Variants in CSMD3 observed in about 807,000 individuals in gnomAD.
CSMD3 encodes CUB and Sushi multiple domains 3, also known as CUB and sushi domain-containing protein 3.
Under a neutral mutation model 435.2 loss-of-function variants are expected in CSMD3, and 177 were observed. The ratio of observed to expected loss-of-function variants is 0.41; its 90% CI spans 0.36 to 0.46. CSMD3 has a LOEUF of 0.46. Among genes scored for constraint, CSMD3 ranks in the 20% least tolerant of loss-of-function variants. The probability of loss-of-function intolerance (pLI) is 0.34; values close to 1 mark genes in which losing one functional copy is unlikely to be tolerated. For synonymous variants in CSMD3, 1,656 were observed against 1,520.5 expected, an observed-to-expected ratio of 1.09 and a Z score of -2.07; for missense variants, 4,265 against 4,504.6, an observed-to-expected ratio of 0.95 and a Z score of 1.52.
At chr8:112,846,468 G>T (rs1374828308) in intron 11 of CSMD3, among the ~76,000 whole-genome samples, 1 of 151,426 alleles carries the variant, frequency 6.6e-6, no homozygotes, top group Non-Finnish European at 1.5e-5. Flanking sequence ...CAGCAGCAGG[G>T]TTATAGCTCA....
At position 112,466,046 on chromosome 8, in the gene CSMD3, C is replaced by T. The variant is rs1048529216; in HGVS notation, c.5395+6545G>A. Among the ~76,000 whole-genome samples the T allele has an allele frequency of 7.3e-5, 11 of 150,806 alleles. No individual in the cohort carries two copies. In the East Asian group the frequency reaches 7.8e-4, roughly 11 times the overall value. ...CTAAAAAGTAATGACAAATAGTAAA[C>T]GCAAGTTTTGAATAAACACACATAT... On this transcript the variant is annotated intron_variant, in intron 32 of 70. Coordinates refer to ENST00000297405, the MANE Select transcript of CSMD3 (RefSeq NM_198123.2).
chr8:112,856,726 C>T (rs1355351047), intron 11 of CSMD3, among the ~76,000 whole-genome samples: 2 of 151,900 alleles, frequency 1.3e-5, no homozygotes, highest in East Asian at 3.9e-4. Context: ...CTTTTTAGTA[C>T]ATTTAGAACA....
intron 3 of CSMD3, among the ~76,000 whole-genome samples, chr8:113,202,364 C>T (rs550378419): frequency 6.6e-6 from 1 of 152,252 alleles, no homozygotes; most frequent in South Asian, 2.1e-4. Context: ...CTGGCTGCTG[C>T]TGCCAGTGAC....
intron 32 of CSMD3, among the ~76,000 whole-genome samples, chr8:112,451,471 T>A (rs1816262142): frequency 6.6e-6 from 1 of 152,186 alleles, no homozygotes; most frequent in African/African-American, 2.4e-5. Context: ...CTTTCTTTTT[T>A]GAGTCTGATT....
At chr8:113,101,164 C>T (rs538045653) in intron 4 of CSMD3, among the ~76,000 whole-genome samples, 2 of 152,242 alleles carry the variant, frequency 1.3e-5, no homozygotes, top group African/African-American at 4.8e-5. Context: ...GAGGTGTCCC[C>T]ATCAGTTCCA....
chr8:113,050,317 T>C (rs933417879), intron 5 of CSMD3, among the ~76,000 whole-genome samples: 6 of 152,044 alleles, frequency 3.9e-5, no homozygotes, highest in Non-Finnish European at 8.8e-5. Context: ...AATTGATTTA[T>C]TCTGTAAACT....
intron 1 of CSMD3, among the ~76,000 whole-genome samples, chr8:113,356,773 T>C (rs770944183): frequency 1.4e-4 from 22 of 152,248 alleles, no homozygotes; most frequent in Admixed American, 8.5e-4. Context: ...AAAACACATC[T>C]TGTGAGTGAA....
At chr8:112,458,330 A>G (rs1170869778) in intron 32 of CSMD3, among the ~76,000 whole-genome samples, 1 of 151,738 alleles carries the variant, frequency 6.6e-6, no homozygotes. Context: ...ATGTTTCCAA[A>G]TTTTGCTGGA....
chr8:112,673,008 T>C lies in CSMD3; in HGVS notation c.2678-6593A>G, dbSNP rs528533484. ...GTGCTCAGAAGGAAGTTGGGGACCA[T>C]GGGCTAAGCTAGGTTTTGATCACAG... On this transcript the variant is annotated intron_variant, in intron 16 of 70. Transcript: ENST00000297405. Among the ~76,000 whole-genome samples, 5 of 152,178 alleles carry C rather than the reference T, an allele frequency of 3.3e-5. 1 individual carries two copies. In the South Asian group the frequency reaches 8.3e-4, roughly 25 times the overall value.
At chr8:112,460,721 A>T (rs1178713334) in intron 32 of CSMD3, among the ~76,000 whole-genome samples, 1 of 152,218 alleles carries the variant, frequency 6.6e-6, no homozygotes, top group African/African-American at 2.4e-5. Flanking sequence ...AATAAGCAGT[A>T]TAATAGATGA....
intron 1 of CSMD3, among the ~76,000 whole-genome samples, chr8:113,354,919 A>G (rs1395689979): frequency 1.3e-5 from 2 of 152,166 alleles, no homozygotes; most frequent in Non-Finnish European, 2.9e-5. Context: ...GATTACAGGC[A>G]TGAGCCACCA....
rs189531237 is a variant in CSMD3, at chr8:112,502,970, T to C, written c.5083+820A>G. ...TAAACTATAAAATTTTAGAAAAATA[T>C]ATTTATAAATATCCACAGGCATTCT... On this transcript the variant is annotated intron_variant, in intron 30 of 70. Transcript: ENST00000297405. Among the ~76,000 whole-genome samples, 911 of 152,234 alleles carry C rather than the reference T, an allele frequency of 6.0e-3. 1 individual carries two copies. Among genetic ancestry groups the C allele is most frequent in the Non-Finnish European group, 9.6e-3 (654 of 68,006 alleles).
At chr8:113,276,525 T>C (rs1014431241) in intron 3 of CSMD3, among the ~76,000 whole-genome samples, 1 of 151,990 alleles carries the variant, frequency 6.6e-6, no homozygotes, top group Non-Finnish European at 1.5e-5. Flanking sequence ...GGTATCATGG[T>C]CCTACAAACT....
intron 4 of CSMD3, among the ~76,000 whole-genome samples, chr8:113,168,065 C>T (rs923121419): frequency 6.6e-6 from 1 of 152,078 alleles, no homozygotes; most frequent in Non-Finnish European, 1.5e-5. Flanking sequence ...TTTTTATATT[C>T]AATAGTGCAT....
At chr8:112,702,040 T>G (rs1421861090) in intron 13 of CSMD3, among the ~76,000 whole-genome samples, 1 of 152,174 alleles carries the variant, frequency 6.6e-6, no homozygotes, top group African/African-American at 2.4e-5. Flanking sequence ...AATTATTGAT[T>G]TACTCATCTG....
rs374136348 is a variant in CSMD3, at chr8:112,269,573, T to C, written c.9509-3983A>G. ...TTTGTGTCTTCTTCCCAAAACACCA[T>C]ATGCACTCTGTGTATGATGGGCTCT... On this transcript the variant is annotated intron_variant, in intron 59 of 70. Coordinates refer to ENST00000297405, the MANE Select transcript of CSMD3 (RefSeq NM_198123.2). 1.2e-4 allele frequency among the ~76,000 whole-genome samples: 19 copies of C among 152,146 alleles called. No individual in the cohort carries two copies. The East Asian group carries it at 3.7e-3, about 29-fold the overall frequency.
intron 4 of CSMD3, among the ~76,000 whole-genome samples, chr8:113,125,696 T>C (rs566915526): frequency 6.6e-6 from 1 of 151,858 alleles, no homozygotes; most frequent in African/African-American, 2.4e-5. Context: ...TGAAACTAAA[T>C]AAAGAAAGTG....
In CSMD3 at chr8:112,786,310, C is replaced by T. The variant is rs756903026; in HGVS notation, c.1972+13852G>A. Reference sequence around the variant, plus strand: ...TGAATTAAAGGCTTAAATTTAAGACCTGAAACTACTAAAAGGAAACACTGG... The same window carrying T: ...TGAATTAAAGGCTTAAATTTAAGACTTGAAACTACTAAAAGGAAACACTGG... On this transcript the variant is annotated intron_variant, in intron 13 of 70. Coordinates refer to ENST00000297405, the MANE Select transcript of CSMD3 (RefSeq NM_198123.2). Among the ~76,000 whole-genome samples, 6 of 151,866 alleles carry T rather than the reference C, an allele frequency of 4.0e-5. No individual in the cohort carries two copies. The South Asian group carries it at 6.2e-4, about 16-fold the overall frequency.
intron 32 of CSMD3, among the ~76,000 whole-genome samples, chr8:112,430,142 T>C (rs1466238399): frequency 6.6e-6 from 1 of 152,030 alleles, no homozygotes; most frequent in Non-Finnish European, 1.5e-5. Context: ...ACGAGGAACA[T>C]CAGGTAGGAA....
Sources: gnomAD v4.1 joint callset for allele counts (sites outside exome capture counted in the v4.1 genomes callset) on GRCh38, gnomAD v4.1.1 for gene constraint, MANE v1.5 for transcripts, NCBI Gene and HGNC (gene_info 2026-07-23, HGNC 2026-07-21) for gene names.